RIMS2: variants seen among roughly 807,000 people sequenced by gnomAD.
The protein encoded by RIMS2 is regulating synaptic membrane exocytosis protein 2.
A neutral mutation model predicts 174.4 loss-of-function variants in RIMS2; 59 were observed. The observed-to-expected ratio is 0.34, with a 90% confidence interval of 0.27 to 0.42. The LOEUF is 0.42. Among genes scored for constraint, RIMS2 ranks in the 10% least tolerant of loss-of-function variants. The pLI is 1.00. For synonymous variants in RIMS2, 606 were observed against 572.5 expected, an observed-to-expected ratio of 1.06 and a Z score of -0.84; for missense variants, 1,620 against 1,666.3, an observed-to-expected ratio of 0.97 and a Z score of 0.48.
At chr8:103,796,060 T>C (rs547431809) in intron 3 of RIMS2, among the ~76,000 whole-genome samples, 1 of 152,254 alleles carries the variant, frequency 6.6e-6, no homozygotes, top group African/African-American at 2.4e-5. Flanking sequence ...TTATAATATG[T>C]ACATATTTAT....
At chr8:103,938,914 A>C (rs1178896802) in intron 13 of RIMS2, among the ~76,000 whole-genome samples, 2 of 152,236 alleles carry the variant, frequency 1.3e-5, no homozygotes, top group African/African-American at 4.8e-5. Context: ...CATCCAGGTC[A>C]CGCTGATGCA....
intron 7 of RIMS2, 50 bp downstream of exon 10, chr8:103,915,644 G>C: frequency 2.3e-6 from 2 of 851,984 alleles, no homozygotes; most frequent in Non-Finnish European, 3.7e-6. Context: ...AACTTTAGTA[G>C]TTATGAGTTA....
chr8:104,016,433 C>T (rs753011674), intron 19 of RIMS2, among the ~76,000 whole-genome samples: 1 of 151,970 alleles, frequency 6.6e-6, no homozygotes, highest in African/African-American at 2.4e-5. Flanking sequence ...TTCTTGTTAA[C>T]TGGATGATGG....
Position 104,194,623 on chromosome 8 carries a change from G to T in RIMS2, c.3335-50293G>T, listed in dbSNP as rs76800180. ...GACCATCTAGTACATGGCACAAAAA[G>T]TGTCTGACCCAGAGTGGGTGTTCAA... On this transcript the variant is annotated intron_variant, in intron 19 of 23. Transcript: ENST00000504942. 5.3e-3 allele frequency among the ~76,000 whole-genome samples: 811 copies of T among 152,218 alleles called. 4 individuals carry two copies. Among genetic ancestry groups the T allele is most frequent in the African/African-American group, 0.018 (748 of 41,548 alleles).
intron 1 of RIMS2, among the ~76,000 whole-genome samples, chr8:103,549,792 G>C (rs1265109180): frequency 6.6e-6 from 1 of 151,502 alleles, no homozygotes; most frequent in African/African-American, 2.4e-5. Context: ...CAAGCAAATG[G>C]AAAACAAAAA....
chr8:103,702,520 T>C (rs1274729747), intron 2 of RIMS2, among the ~76,000 whole-genome samples: 1 of 152,136 alleles, frequency 6.6e-6, no homozygotes, highest in Non-Finnish European at 1.5e-5. Context: ...CCATGTTTAC[T>C]TCTTTTTGTA....
intron 19 of RIMS2, among the ~76,000 whole-genome samples, chr8:104,132,206 G>A (rs1371753851): frequency 6.6e-6 from 1 of 152,112 alleles, no homozygotes; most frequent in Non-Finnish European, 1.5e-5. Flanking sequence ...GAATATTCAT[G>A]TTCTTTATTA....
At chr8:103,599,478 G>A (rs1304633495) in intron 1 of RIMS2, among the ~76,000 whole-genome samples, 1 of 150,230 alleles carries the variant, frequency 6.7e-6, no homozygotes, top group Admixed American at 6.7e-5. Flanking sequence ...TCACTCTGTT[G>A]CCCTGATTGT....
rs1565625559 is a variant in RIMS2 at position 103,975,403 on chromosome 8, CA to C, written c.2826del (p.Val943Ter). Reference sequence around the variant, plus strand: ...AAGCTCAACATTATCAGTGCCAGAACAAGTAATGTCATCAAACCACTGTTCA... The same window carrying C: ...AAGCTCAACATTATCAGTGCCAGAACAGTAATGTCATCAAACCACTGTTCA... On this transcript the variant is annotated frameshift_variant, in exon 16 of 24. Transcript: ENST00000504942. LOFTEE classifies it high-confidence loss of function. 1 of 1,612,646 alleles carries C rather than the reference CA, an allele frequency of 6.2e-7. No homozygotes were observed. Among genetic ancestry groups the C allele is most frequent in the Non-Finnish European group, 8.5e-7 (1 of 1,178,686 alleles).
At chr8:103,948,962 C>CAA (rs35186477) in intron 14 of RIMS2, among the ~76,000 whole-genome samples, 3,050 of 140,106 alleles carry the variant, frequency 0.022, 33 homozygotes, top group Non-Finnish European at 0.027. Flanking sequence ...CCCATTTTTA[C>CAA]AAAAAAAAAA....
intron 16 of RIMS2, among the ~76,000 whole-genome samples, chr8:103,979,829 T>C (rs2093743435): frequency 6.6e-6 from 1 of 151,882 alleles, no homozygotes; most frequent in East Asian, 1.9e-4. Context: ...TGTTGCCCTG[T>C]CATGGCAGAG....
chr8:103,513,219 T>C (rs1035232210), intron 1 of RIMS2, among the ~76,000 whole-genome samples: 4 of 152,172 alleles, frequency 2.6e-5, no homozygotes, highest in Admixed American at 6.5e-5. Context: ...TCTATATGCC[T>C]CTATAGGATT....
At chr8:103,545,156 A>G (rs1451817951) in intron 1 of RIMS2, among the ~76,000 whole-genome samples, 2 of 152,234 alleles carry the variant, frequency 1.3e-5, no homozygotes, top group Non-Finnish European at 2.9e-5. Flanking sequence ...CAATAAAACA[A>G]TACAAGAGAT....
At chr8:103,883,460 T>C (rs1027802412) in intron 3 of RIMS2, among the ~76,000 whole-genome samples, 2 of 151,688 alleles carry the variant, frequency 1.3e-5, no homozygotes, top group African/African-American at 4.8e-5. Context: ...GGGTGTTGGG[T>C]ACTATAAATT....
chr8:104,247,230 A>G (rs2099339147), intron 20 of RIMS2, among the ~76,000 whole-genome samples: 1 of 152,236 alleles, frequency 6.6e-6, no homozygotes, highest in Non-Finnish European at 1.5e-5. Context: ...ATAAAATACC[A>G]CAGGCTGGGT....
chr8:103,728,363 A>G (rs2138757871), intron 2 of RIMS2, among the ~76,000 whole-genome samples: 1 of 152,158 alleles, frequency 6.6e-6, no homozygotes, highest in African/African-American at 2.4e-5. Flanking sequence ...GATGAATGAG[A>G]TCATCTGTAA....
intron 19 of RIMS2, among the ~76,000 whole-genome samples, chr8:104,220,322 G>A (rs2511569): frequency 0.33 from 50,399 of 151,930 alleles, 8,605 homozygotes; most frequent in African/African-American, 0.42. Context: ...TTGTTCTGAA[G>A]CTGCAGGAGG....
intron 1 of RIMS2, among the ~76,000 whole-genome samples, chr8:103,666,945 A>C (rs2096677865): frequency 6.6e-6 from 1 of 152,128 alleles, no homozygotes. Flanking sequence ...TTGAAGAGAA[A>C]CCATTTGACA....
intron 19 of RIMS2, among the ~76,000 whole-genome samples, chr8:104,069,186 T>C (rs1271256272): frequency 1.3e-5 from 2 of 152,196 alleles, no homozygotes; most frequent in East Asian, 3.9e-4. Flanking sequence ...GTTAGATGAT[T>C]TTGCCCAACT....
Sources: allele counts gnomAD v4.1 joint callset (sites outside exome capture counted in the v4.1 genomes callset), GRCh38; gene constraint gnomAD v4.1.1; transcripts MANE v1.5; gene names NCBI Gene and HGNC (gene_info 2026-07-23, HGNC 2026-07-21).